FRAS1: variants seen among roughly 807,000 people sequenced by gnomAD.
The protein encoded by FRAS1 is extracellular matrix organizing protein FRAS1.
Under a neutral mutation model 435.2 loss-of-function variants are expected in FRAS1, and 290 were observed. The ratio of observed to expected loss-of-function variants is 0.67; its 90% CI spans 0.61 to 0.73. The LOEUF (loss-of-function observed/expected upper bound fraction) is 0.73, where lower values mean the gene tolerates loss of function less well. Ranked by LOEUF, FRAS1 falls within the 30% of genes least tolerant of loss-of-function variation. The pLI, the probability that FRAS1 is intolerant of heterozygous loss-of-function variation, is 0.00. For synonymous variants in FRAS1, 1,800 were observed against 1,851.0 expected (o/e 0.97, Z 0.71); for missense variants, 4,860 against 5,001.5 (o/e 0.97, Z 0.85).
At chr4:78,194,794 G>T (rs1722723004) in intron 2 of FRAS1, among the ~76,000 whole-genome samples, 1 of 152,138 alleles carries the variant, frequency 6.6e-6, no homozygotes, top group Non-Finnish European at 1.5e-5. Context: ...TCTCCATCCA[G>T]CTTTGTTCCG....
Position 78,057,400 on chromosome 4 carries a change from G to C in FRAS1, c.-610G>C, listed in dbSNP as rs576023892. Among the ~76,000 whole-genome samples, 153 of 152,256 alleles carry C rather than the reference G, an allele frequency of 1.0e-3. 1 individual carries two copies. Among genetic ancestry groups the C allele is most frequent in the African/African-American group, 3.6e-3 (150 of 41,546 alleles). On this transcript the variant is annotated 5_prime_UTR_variant, in exon 1 of 74. Coordinates refer to ENST00000512123, the MANE Select transcript of FRAS1 (RefSeq NM_025074.7). The surrounding 1 kb of genome is among the most constrained non-coding windows in gnomAD (Gnocchi z 4.2). ...GTGTGGTGCGGTGCGGCTGCAGGGCGGGCGAGTCCCCGGAGCTGCCCTCAG... is the reference window on the plus strand; with the variant it reads ...GTGTGGTGCGGTGCGGCTGCAGGGCCGGCGAGTCCCCGGAGCTGCCCTCAG...
At chr4:78,145,850 T>A (rs1450099249) in intron 2 of FRAS1, among the ~76,000 whole-genome samples, 1 of 152,148 alleles carries the variant, frequency 6.6e-6, no homozygotes, top group East Asian at 1.9e-4. Flanking sequence ...CATTCTGTTC[T>A]TGTGATAGTA....
chr4:78,354,798 C>A (rs1028952362), intron 20 of FRAS1, among the ~76,000 whole-genome samples: 4 of 152,174 alleles, frequency 2.6e-5, no homozygotes, highest in African/African-American at 4.8e-5. Flanking sequence ...GTCACTGCTC[C>A]ATAAAACCAA....
intron 61 of FRAS1, 101 bp downstream of exon 61, chr4:78,500,022 A>G (rs764700062): frequency 2.3e-5 from 22 of 946,898 alleles, no homozygotes; most frequent in Non-Finnish European, 3.0e-5. Context: ...AAAGGAAAAC[A>G]GTAGTTCCAA....
At position 78,536,991 on chromosome 4, in the gene FRAS1, T is replaced by G; in HGVS notation, c.11093-4T>G. 1 of 1,612,770 alleles carries G rather than the reference T, an allele frequency of 6.2e-7. No individual in the cohort carries two copies. The highest frequency in any genetic ancestry group is 8.5e-7 in the Non-Finnish European group (1 of 1,178,924). ...ACCTAATTAATACCTTTCAATCTTTTCAGGTCAAATCCTTTATGGCCGAGT... is the reference window on the plus strand; with the variant it reads ...ACCTAATTAATACCTTTCAATCTTTGCAGGTCAAATCCTTTATGGCCGAGT... On this transcript the variant is annotated splice_polypyrimidine_tract_variant and splice_region_variant and intron_variant, in intron 71 of 73. Coordinates refer to ENST00000512123, the MANE Select transcript of FRAS1 (RefSeq NM_025074.7).
intron 3 of FRAS1, 92 bp downstream of exon 3, chr4:78,237,709 A>T: frequency 1.8e-6 from 1 of 558,932 alleles, no homozygotes; most frequent in Non-Finnish European, 3.0e-6. Flanking sequence ...TTTGACATTT[A>T]TTCTAATCTC....
At chr4:78,082,997 T>C (rs1387082316) in intron 2 of FRAS1, among the ~76,000 whole-genome samples, 1 of 152,144 alleles carries the variant, frequency 6.6e-6, no homozygotes, top group African/African-American at 2.4e-5. Flanking sequence ...AGATGAGACA[T>C]AGGCTTTCCT....
chr4:78,317,462 G>T lies in FRAS1; in HGVS notation c.1914G>T (p.Leu638=), dbSNP rs778155926. The T allele has an allele frequency of 6.2e-6, 10 of 1,613,842 alleles. 1 individual carries two copies. The South Asian group carries it at 1.1e-4, about 18-fold the overall frequency. The change falls in exon 17 of 74, where the codon CTG becomes CTT. Residue 638 remains leucine (L), a synonymous_variant. Transcript: ENST00000512123. ...PPKALRQGHC[L]PRCGEGFYSD... ...AGGCTCTGCGTCAAGGCCACTGTCT[G>T]CCCCGCTGTGGAGAGGGTTTCTACT...
intron 5 of FRAS1, 144 bp downstream of exon 5, chr4:78,252,695 G>A: frequency 2.4e-6 from 2 of 836,470 alleles, no homozygotes; most frequent in East Asian, 2.7e-5. Context: ...AGAGTACAAA[G>A]AGAGGAATTT....
At chr4:78,163,492 A>G (rs1243381042) in intron 2 of FRAS1, among the ~76,000 whole-genome samples, 1 of 152,216 alleles carries the variant, frequency 6.6e-6, no homozygotes, top group Non-Finnish European at 1.5e-5. Flanking sequence ...TGGTTTTATT[A>G]GTGGAGATCC....
At chr4:78,113,882 A>T (rs955336508) in intron 2 of FRAS1, among the ~76,000 whole-genome samples, 4 of 152,010 alleles carry the variant, frequency 2.6e-5, no homozygotes, top group African/African-American at 2.4e-5. Context: ...CTTTTGGTGT[A>T]TTAGACATGA....
At chr4:78,525,899 G>A (rs777399700) in intron 69 of FRAS1, among the ~76,000 whole-genome samples, 2 of 152,218 alleles carry the variant, frequency 1.3e-5, no homozygotes, top group Non-Finnish European at 2.9e-5. Context: ...CCAAGTCCCC[G>A]TGAGTGGTCT....
intron 2 of FRAS1, among the ~76,000 whole-genome samples, chr4:78,229,288 G>C (rs1724411580): frequency 6.6e-6 from 1 of 151,790 alleles, no homozygotes; most frequent in Admixed American, 6.6e-5. Flanking sequence ...GGGACCCAGA[G>C]GTGCCCTCTT....
intron 38 of FRAS1, among the ~76,000 whole-genome samples, chr4:78,433,094 C>T (rs1734275062): frequency 6.6e-6 from 1 of 152,166 alleles, no homozygotes; most frequent in Non-Finnish European, 1.5e-5. Flanking sequence ...TCAGATTTCC[C>T]AGCCAGTTCA....
intron 35 of FRAS1, among the ~76,000 whole-genome samples, chr4:78,427,519 G>A (rs533480884): frequency 1.3e-5 from 2 of 152,292 alleles, no homozygotes; most frequent in Admixed American, 1.3e-4. Context: ...AGATTACAGA[G>A]ACATCAGAGC....
chr4:78,380,722 G>A (rs1323212222), intron 27 of FRAS1, among the ~76,000 whole-genome samples: 1 of 152,192 alleles, frequency 6.6e-6, no homozygotes, highest in Non-Finnish European at 1.5e-5. Flanking sequence ...TAGACTCTAT[G>A]TATAAACAAG....
chr4:78,138,592 C>A (rs1434667005), intron 2 of FRAS1, among the ~76,000 whole-genome samples: 1 of 152,064 alleles, frequency 6.6e-6, no homozygotes, highest in African/African-American at 2.4e-5. Flanking sequence ...TATAATAATT[C>A]CCTGCCACTT....
intron 36 of FRAS1, among the ~76,000 whole-genome samples, chr4:78,429,487 C>T (rs1272436286): frequency 4.6e-5 from 7 of 152,068 alleles, no homozygotes; most frequent in Non-Finnish European, 1.0e-4. Flanking sequence ...TTGATGCCAT[C>T]ACTAAAATAT....
chr4:78,111,607 T>A (rs1578129446), intron 2 of FRAS1, among the ~76,000 whole-genome samples: 3 of 88,490 alleles, frequency 3.4e-5, no homozygotes, highest in Admixed American at 1.2e-4. Context: ...TGTGGTGGGG[T>A]CGGGGGAGGG....
Sources: gnomAD v4.1 joint callset for allele counts (sites outside exome capture counted in the v4.1 genomes callset) on GRCh38, gnomAD v4.1.1 for gene constraint, Gnocchi (gnomAD v3.1) non-coding constraint, MANE v1.5 for transcripts, NCBI Gene and HGNC (gene_info 2026-07-23, HGNC 2026-07-21) for gene names.